Variants in ZFP14 observed in about 807,000 individuals in gnomAD.
ZFP14 encodes the protein ZFP14 zinc finger protein.
In ZFP14, 22 loss-of-function variants were observed where a neutral mutation model predicts 54.5. That is an observed-to-expected ratio of 0.40 (90% confidence interval 0.29 to 0.58). The LOEUF is 0.58. Among genes scored for constraint, ZFP14 ranks in the 20% least tolerant of loss-of-function variants. ZFP14 has a pLI of 0.39. For synonymous variants in ZFP14, 159 were observed against 204.0 expected (o/e 0.78, Z 1.88); for missense variants, 470 against 637.8 (o/e 0.74, Z 2.83).
Position 36,334,826 on chromosome 19 carries a change from A to G in ZFP14, c.*5398T>C, listed in dbSNP as rs1261053169. 6.6e-6 allele frequency: 1 copy of G among 152,216 alleles called. No homozygotes were observed. Among genetic ancestry groups the G allele is most frequent in the Non-Finnish European group, 1.5e-5 (1 of 68,050 alleles). 9.4% of individuals were successfully genotyped at this position (152,216 alleles called of 1,614,324 possible). Reference sequence around the variant, plus strand: ...AGTTAAATAAAAATGTCTTTACTAAATCTTTGGCAAACTGATCATGTATAC... The same window carrying G: ...AGTTAAATAAAAATGTCTTTACTAAGTCTTTGGCAAACTGATCATGTATAC... On this transcript the variant is annotated 3_prime_UTR_variant, in exon 5 of 5. Coordinates refer to ENST00000270001, the MANE Select transcript of ZFP14 (RefSeq NM_020917.3).
intron 4 of ZFP14, among the ~76,000 whole-genome samples, chr19:36,343,347 AT>A (rs1382598323): frequency 6.6e-6 from 1 of 151,514 alleles, no homozygotes; most frequent in Non-Finnish European, 1.5e-5. Context: ...ATCTTCTCCC[AT>A]TTGTTCTCTC....
chr19:36,349,008 G>T (rs1325401832), intron 4 of ZFP14, among the ~76,000 whole-genome samples: 2 of 149,480 alleles, frequency 1.3e-5, no homozygotes, highest in South Asian at 2.2e-4. Flanking sequence ...TGGGCAGATC[G>T]CCTGAGGTCA....
chr19:36,349,650 G>A (rs1175543186), intron 4 of ZFP14, among the ~76,000 whole-genome samples: 3 of 145,334 alleles, frequency 2.1e-5, no homozygotes, highest in Non-Finnish European at 3.0e-5. Flanking sequence ...CTGGGTCGCA[G>A]AGCAAGACTC....
At chr19:36,347,682 C>G (rs1300418868) in intron 4 of ZFP14, among the ~76,000 whole-genome samples, 3 of 152,038 alleles carry the variant, frequency 2.0e-5, no homozygotes, top group African/African-American at 7.2e-5. Flanking sequence ...TGAAGATTAT[C>G]AAAACTTGAG....
chr19:36,339,024 C>T lies in ZFP14; in HGVS notation c.*1200G>A, dbSNP rs1419086784. The T allele has an allele frequency of 6.6e-6, 1 of 152,162 alleles. No homozygotes were observed. The highest frequency in any genetic ancestry group is 1.5e-5 in the Non-Finnish European group (1 of 68,020). 9.4% of individuals were successfully genotyped at this position (152,162 alleles called of 1,614,324 possible). The stretch of plus-strand genomic sequence containing the variant: ...CTATTTCCCTCTAATTCTTCAACAG[C>T]TGTATTACTAGTGACCTCACATTCA... On this transcript the variant is annotated 3_prime_UTR_variant, in exon 5 of 5. Transcript: ENST00000270001.
intron 2 of ZFP14, among the ~76,000 whole-genome samples, chr19:36,365,020 TTTTGA>T (rs2031772414): frequency 8.2e-6 from 1 of 121,588 alleles, no homozygotes; most frequent in African/African-American, 3.5e-5. Context: ...TTTTTTTTTT[TTTTGA>T]CAGGGTCTCA....
chr19:36,360,827 A>C (rs956007752), intron 3 of ZFP14, among the ~76,000 whole-genome samples: 2 of 152,202 alleles, frequency 1.3e-5, no homozygotes, highest in Non-Finnish European at 2.9e-5. Context: ...TATTGTGTAG[A>C]GGGAAGAACA....
At chr19:36,352,803 T>A (rs1444468225) in intron 4 of ZFP14, among the ~76,000 whole-genome samples, 1 of 141,560 alleles carries the variant, frequency 7.1e-6, no homozygotes, top group Admixed American at 7.3e-5. Context: ...TAGCCGGGCG[T>A]GGTGGCAGGC....
At chr19:36,342,013 G>A (rs977757123) in intron 4 of ZFP14, among the ~76,000 whole-genome samples, 37 of 151,702 alleles carry the variant, frequency 2.4e-4, no homozygotes, top group Middle Eastern at 3.4e-3. Context: ...CACCACGCCC[G>A]GCTAATTTTT....
intron 2 of ZFP14, among the ~76,000 whole-genome samples, chr19:36,366,030 C>T (rs899575995): frequency 2.7e-5 from 4 of 150,132 alleles, no homozygotes; most frequent in African/African-American, 4.9e-5. Context: ...TTTGGGAGGT[C>T]GAGGCAGGTG....
chr19:36,361,981 G>T, intron 3 of ZFP14, 131 bp downstream of exon 3: 1 of 1,049,418 alleles, frequency 9.5e-7, no homozygotes, highest in Non-Finnish European at 1.3e-6. Context: ...AAATGGAGAG[G>T]CCTAGTTCCA....
At chr19:36,348,048 A>G (rs1008672394) in intron 4 of ZFP14, among the ~76,000 whole-genome samples, 9 of 148,210 alleles carry the variant, frequency 6.1e-5, no homozygotes, top group Non-Finnish European at 1.0e-4. Context: ...ACAGAGTGAG[A>G]AAAAAAAAAG....
chr19:36,347,547 T>C (rs1444445857), intron 4 of ZFP14, among the ~76,000 whole-genome samples: 1 of 151,622 alleles, frequency 6.6e-6, no homozygotes, highest in Admixed American at 6.6e-5. Flanking sequence ...AGGCAGAGGT[T>C]GCAATGAGCC....
chr19:36,358,053 T>G (rs1023421670), intron 4 of ZFP14, among the ~76,000 whole-genome samples: 17 of 143,590 alleles, frequency 1.2e-4, no homozygotes, highest in South Asian at 6.7e-4. Context: ...CTGATCTATC[T>G]ATCTATCTAT....
chr19:36,356,761 C>T (rs1178893921), intron 4 of ZFP14, among the ~76,000 whole-genome samples: 1 of 152,094 alleles, frequency 6.6e-6, no homozygotes, highest in African/African-American at 2.4e-5. Context: ...GATTTTGTCA[C>T]TCAGCATAAT....
intron 1 of ZFP14, among the ~76,000 whole-genome samples, chr19:36,372,384 A>G (rs1241249733): frequency 6.6e-6 from 1 of 152,130 alleles, no homozygotes; most frequent in Non-Finnish European, 1.5e-5. Flanking sequence ...GAAAACAGAA[A>G]ATATTGAAAA....
At position 36,339,780 on chromosome 19, in the gene ZFP14, G is replaced by A. The variant is rs1335697788; in HGVS notation, c.*444C>T. 1.3e-5 allele frequency: 2 copies of A among 154,634 alleles called. No individual in the cohort carries two copies. The highest frequency in any genetic ancestry group is 4.8e-5 in the African/African-American group (2 of 41,418). 9.6% of individuals were successfully genotyped at this position (154,634 alleles called of 1,614,324 possible). ...CCTTGCAAGAGACCCTGAAGCAGAG[G>A]ACCCAACTAAGTCATGCCTATACTC... is the stretch of plus-strand genomic sequence containing the variant. On this transcript the variant is annotated 3_prime_UTR_variant, in exon 5 of 5. Transcript: ENST00000270001.
Position 36,341,143 on chromosome 19 carries a change from T to C in ZFP14, c.683A>G (p.Tyr228Cys). 2.5e-6 allele frequency: 4 copies of C among 1,614,176 alleles called. No homozygotes were observed. The highest frequency in any genetic ancestry group is 3.4e-6 in the Non-Finnish European group (4 of 1,180,006). The change falls in exon 5 of 5, where the codon TAT (tyrosine) becomes TGT (cysteine). Residue 228 changes from tyrosine to cysteine, a missense_variant. Tyr to Cys is a radical substitution (Grantham distance 194). Coordinates refer to ENST00000270001, the MANE Select transcript of ZFP14 (RefSeq NM_020917.3). This position sits in a 1 kb window ranked among gnomAD's most constrained non-coding sequence, Gnocchi z 4.2. Reference sequence around the variant, plus strand: ...GGCCTTCCCACACTCCTTACATTCATAGGGTTTCTCACCGGTGTGAAGTTT... The same window carrying C: ...GGCCTTCCCACACTCCTTACATTCACAGGGTTTCTCACCGGTGTGAAGTTT... ...HHKLHTGEKP[Y>C]ECKECGKAFT...
intron 4 of ZFP14, among the ~76,000 whole-genome samples, chr19:36,359,620 A>C (rs1403570023): frequency 6.6e-6 from 1 of 152,108 alleles, no homozygotes; most frequent in African/African-American, 2.4e-5. Context: ...TATTGGCATA[A>C]AGTAATTCAT....
Sources: allele counts gnomAD v4.1 joint callset (sites outside exome capture counted in the v4.1 genomes callset), GRCh38; gene constraint gnomAD v4.1.1; non-coding constraint Gnocchi (gnomAD v3.1); transcripts MANE v1.5; gene names NCBI Gene and HGNC (gene_info 2026-07-23, HGNC 2026-07-21).